The following CACNA2D3 variants were observed in gnomAD, a reference collection of about 807,000 sequenced individuals.
CACNA2D3 encodes the protein calcium voltage-gated channel auxiliary subunit alpha2delta 3.
Under a neutral mutation model 160.6 loss-of-function variants are expected in CACNA2D3, and 60 were observed. The observed-to-expected ratio is 0.37, with a 90% confidence interval of 0.30 to 0.46. The LOEUF (loss-of-function observed/expected upper bound fraction) is 0.46, where lower values mean the gene tolerates loss of function less well. CACNA2D3 is among the 20% of genes least tolerant of loss of function. CACNA2D3 has a pLI of 1.00. For missense variants in CACNA2D3, 1,205 were observed against 1,365.0 expected, an observed-to-expected ratio of 0.88 and a Z score of 1.85; for synonymous variants, 558 against 492.9, an observed-to-expected ratio of 1.13 and a Z score of -1.75.
At chr3:55,059,913 T>C (rs1045489907) in intron 35 of CACNA2D3, among the ~76,000 whole-genome samples, 1 of 152,008 alleles carries the variant, frequency 6.6e-6, no homozygotes, top group Non-Finnish European at 1.5e-5. Context: ...TTTTCTTCTC[T>C]CCTCTGCCAG....
chr3:54,902,673 G>A (rs1338551113), intron 27 of CACNA2D3, among the ~76,000 whole-genome samples: 2 of 152,184 alleles, frequency 1.3e-5, no homozygotes, highest in Non-Finnish European at 1.5e-5. Flanking sequence ...TGTTGTCACT[G>A]GAAATGCAGA....
At chr3:54,797,903 T>G (rs555706234) in intron 13 of CACNA2D3, among the ~76,000 whole-genome samples, 3 of 152,336 alleles carry the variant, frequency 2.0e-5, no homozygotes, top group African/African-American at 7.2e-5. Context: ...TAAAAATAAG[T>G]AAGCCAAATA....
rs372353201 is a variant in CACNA2D3 at position 54,727,005 on chromosome 3, A to T, written c.1168-25594A>T. 1.3e-3 allele frequency among the ~76,000 whole-genome samples: 201 copies of T among 152,316 alleles called. 2 individuals are homozygous for T. Among genetic ancestry groups the T allele is most frequent in the African/African-American group, 4.6e-3 (190 of 41,582 alleles). On this transcript the variant is annotated intron_variant, in intron 11 of 37. Coordinates refer to ENST00000474759, the MANE Select transcript of CACNA2D3 (RefSeq NM_018398.3). ...CTACAGAATGGGAGAAGATTTTTGC[A>T]ATCTATCCAGCTGACAAAGGGCTAA...
intron 2 of CACNA2D3, among the ~76,000 whole-genome samples, chr3:54,274,215 C>CATATATATATATATATAT (rs148715563): frequency 4.7e-5 from 7 of 149,898 alleles, no homozygotes; most frequent in East Asian, 1.9e-4. Context: ...GATTTCTATG[C>CATATATATATATATATAT]ATATATATAT....
intron 11 of CACNA2D3, among the ~76,000 whole-genome samples, chr3:54,717,767 TGTGGTGTGTGTGC>T (rs1480008421): frequency 1.4e-5 from 2 of 141,932 alleles, no homozygotes; most frequent in African/African-American, 5.4e-5. Context: ...CAAGCGTGTG[TGTGGTGTGTGTGC>T]ATGTGCGTGT....
intron 10 of CACNA2D3, among the ~76,000 whole-genome samples, chr3:54,628,389 A>G (rs926405906): frequency 1.3e-5 from 2 of 152,194 alleles, no homozygotes; most frequent in Non-Finnish European, 2.9e-5. Flanking sequence ...GGAAGAGAGA[A>G]TGCTAGGGAA....
At position 54,987,806 on chromosome 3, in the gene CACNA2D3, T is replaced by A. The variant is rs901144505; in HGVS notation, c.2690+53T>A. 7 of 1,367,536 alleles carry A rather than the reference T, an allele frequency of 5.1e-6. No individual in the cohort carries two copies. The African/African-American group carries it at 7.3e-5, about 14-fold the overall frequency. The allele number at this position is 1,367,536 out of a possible 1,614,324, so 84.7% of individuals were successfully genotyped here. On this transcript the variant is annotated intron_variant, in intron 31 of 37. Transcript: ENST00000474759. ...CCCCCAAAAGTTTTCCTAAATAAAA[T>A]AAAACAAGCCAAGGTCAAATAAAGC...
At chr3:54,169,786 A>T (rs186753149) in intron 2 of CACNA2D3, among the ~76,000 whole-genome samples, 1 of 151,966 alleles carries the variant, frequency 6.6e-6, no homozygotes, top group Non-Finnish European at 1.5e-5. Flanking sequence ...GGTGGTGATG[A>T]TGGATCAGGG....
At chr3:54,207,715 G>A (rs923712239) in intron 2 of CACNA2D3, among the ~76,000 whole-genome samples, 5 of 152,140 alleles carry the variant, frequency 3.3e-5, no homozygotes, top group African/African-American at 4.8e-5. Flanking sequence ...GCCATGGAGC[G>A]TGGTCACTAG....
At position 54,626,533 on chromosome 3, in the gene CACNA2D3, A is replaced by G. The variant is rs1428014285; in HGVS notation, c.964-1254A>G. On this transcript the variant is annotated intron_variant, in intron 9 of 37. Coordinates refer to ENST00000474759, the MANE Select transcript of CACNA2D3 (RefSeq NM_018398.3). ...CAAGACCTTCAACCAGGTGGAGATC[A>G]AGCCCGAGATGATCGACCACTACCT... 8.7e-6 allele frequency: 14 copies of G among 1,606,608 alleles called. No individual in the cohort carries two copies. The Admixed American group carries it at 1.7e-4, about 19-fold the overall frequency.
chr3:54,368,762 C>A (rs1484206424), intron 3 of CACNA2D3, among the ~76,000 whole-genome samples: 2 of 119,718 alleles, frequency 1.7e-5, no homozygotes, highest in East Asian at 5.6e-4. Flanking sequence ...AGTGTAGTGG[C>A]ACGATCTCGG....
intron 11 of CACNA2D3, among the ~76,000 whole-genome samples, chr3:54,672,487 C>G (rs1700178669): frequency 6.6e-6 from 1 of 152,190 alleles, no homozygotes; most frequent in Non-Finnish European, 1.5e-5. Context: ...CCACACTTCT[C>G]TGAAGTGTGC....
chr3:54,626,379 G>T (rs1699103000), intron 9 of CACNA2D3: 2 of 1,565,954 alleles, frequency 1.3e-6, no homozygotes, highest in Non-Finnish European at 1.7e-6. Context: ...AGCACTCCCT[G>T]CTGAAGTGCC....
rs532896119 is a variant in CACNA2D3 at position 54,898,060 on chromosome 3, A to AGCTC, written c.2368+1194_2368+1197dup. Among the ~76,000 whole-genome samples, 418 of 133,080 alleles carry AGCTC rather than the reference A, an allele frequency of 3.1e-3. 2 individuals carry two copies. Among genetic ancestry groups the AGCTC allele is most frequent in the African/African-American group, 0.012 (397 of 34,210 alleles). 87.3% of individuals were successfully genotyped at this position (133,080 alleles called of 152,430 possible). On this transcript the variant is annotated intron_variant, in intron 26 of 37. Transcript: ENST00000474759. ...CAAATGTAAATTTCCAGGTGTCCGA[A>AGCTC]GCTCGCTTGCTTGCTTGCTTGCTTG...
chr3:54,749,853 CAT>C (rs1334784180), intron 11 of CACNA2D3, among the ~76,000 whole-genome samples: 1 of 152,178 alleles, frequency 6.6e-6, no homozygotes, highest in East Asian at 1.9e-4. Context: ...AATAAAATAA[CAT>C]ACAAACCAAT....
intron 27 of CACNA2D3, among the ~76,000 whole-genome samples, chr3:54,954,171 C>T (rs1465261567): frequency 1.3e-5 from 2 of 152,140 alleles, no homozygotes; most frequent in South Asian, 2.1e-4. Context: ...GTCACCCAGT[C>T]GCATCTGGTC....
At chr3:55,004,740 TC>T (rs1300158870) in intron 31 of CACNA2D3, 22 bp from the exon 32 acceptor site, 1 of 1,550,548 alleles carries the variant, frequency 6.4e-7, no homozygotes, top group Non-Finnish European at 8.9e-7. Flanking sequence ...TTAGTGAAGC[TC>T]CCTTCCATTT....
At chr3:54,187,327 A>G (rs1306253793) in intron 2 of CACNA2D3, among the ~76,000 whole-genome samples, 1 of 152,212 alleles carries the variant, frequency 6.6e-6, no homozygotes, top group East Asian at 1.9e-4. Flanking sequence ...CTTTGATCTC[A>G]TAGCAACTGG....
chr3:54,205,145 G>T (rs557988424), intron 2 of CACNA2D3, among the ~76,000 whole-genome samples: 1 of 152,202 alleles, frequency 6.6e-6, no homozygotes, highest in East Asian at 1.9e-4. Flanking sequence ...CCACGGCTAC[G>T]TGAGGATAAC....
Sources: gnomAD v4.1 joint callset for allele counts (sites outside exome capture counted in the v4.1 genomes callset) on GRCh38, gnomAD v4.1.1 for gene constraint, MANE v1.5 for transcripts, NCBI Gene and HGNC (gene_info 2026-07-23, HGNC 2026-07-21) for gene names.